RBM4B: variants seen among roughly 807,000 people sequenced by gnomAD.
The protein encoded by RBM4B is RNA binding motif protein 4B, also known as RNA-binding protein 4B.
A neutral mutation model predicts 28.5 loss-of-function variants in RBM4B; 13 were observed. The ratio of observed to expected loss-of-function variants is 0.46; its 90% confidence interval spans 0.30 to 0.72. The LOEUF (loss-of-function observed/expected upper bound fraction) is 0.72, where lower values mean the gene tolerates loss of function less well. RBM4B is among the 30% of genes least tolerant of loss of function. The pLI is 0.09. For missense variants in RBM4B, 387 were observed against 477.6 expected, an observed-to-expected ratio of 0.81 and a Z score of 1.77; for synonymous variants, 167 against 179.1, an observed-to-expected ratio of 0.93 and a Z score of 0.54.
chr11:66,668,850 G>A lies in RBM4B; in HGVS notation c.854C>T (p.Ser285Leu). Residue 285 changes from serine (S) to leucine (L), a missense_variant, in exon 3 of 4, where the codon TCA (serine) becomes TTA (leucine). Ser to Leu is a moderately radical substitution (Grantham distance 145). This residue lies in a region of RBM4B where 226 missense variants were observed against 220.6 expected (regional missense o/e 1.02). Transcript: ENST00000310046. ...LLPNSGAAATSAAMAAAAATT... is the reference protein window; with the variant it reads ...LLPNSGAAATLAAMAAAAATT... ...GGCTGCAGCAGCAGCCATAGCAGCTGAAGTGGCAGCAGCGCCAGAGTTTGG... is the reference window on the plus strand; with the variant it reads ...GGCTGCAGCAGCAGCCATAGCAGCTAAAGTGGCAGCAGCGCCAGAGTTTGG... 1 of 1,614,208 alleles carries A rather than the reference G, an allele frequency of 6.2e-7. No individual in the cohort carries two copies. The highest frequency in any genetic ancestry group is 1.3e-5 in the African/African-American group (1 of 75,046).
At chr11:66,670,238 A>ACCCCCCCCCCCC (rs982371961) in intron 2 of RBM4B, among the ~76,000 whole-genome samples, 1 of 57,428 alleles carries the variant, frequency 1.7e-5, no homozygotes, top group Non-Finnish European at 3.3e-5. Flanking sequence ...CCCACCCCCG[A>ACCCCCCCCCCCC]CCCCCCCAAG....
At position 66,665,374 on chromosome 11, in the gene RBM4B, G is replaced by A. The variant is rs754122214; in HGVS notation, c.*214C>T. 3 of 603,572 alleles carry A rather than the reference G, an allele frequency of 5.0e-6. No individual in the cohort carries two copies. Among genetic ancestry groups the A allele is most frequent in the Non-Finnish European group, 8.8e-6 (3 of 341,138 alleles). The allele number at this position is 603,572 out of a possible 1,614,324, so 37.4% of individuals were successfully genotyped here. On this transcript the variant is annotated 3_prime_UTR_variant, in exon 4 of 4. Transcript: ENST00000310046. Reference sequence around the variant, plus strand: ...GGCTGCTCAGAGGCTGAGAATATAAGGAACAGAGTGAAAGGCTACAGAGAC... The same window carrying A: ...GGCTGCTCAGAGGCTGAGAATATAAAGAACAGAGTGAAAGGCTACAGAGAC...
chr11:66,668,888 G>T lies in RBM4B; in HGVS notation c.816C>A (p.Asp272Glu). ...CGCCAGAGTTTGGCAATAGGTGTCTGTCATAGGGATCAACAGAAGTAGAGT... is the reference window on the plus strand; with the variant it reads ...CGCCAGAGTTTGGCAATAGGTGTCTTTCATAGGGATCAACAGAAGTAGAGT... ...HLNSTSVDPY[D>E]RHLLPNSGAA... The change falls in exon 3 of 4, where the codon GAC becomes GAA. Residue 272 changes from aspartate to glutamate, a missense_variant. Physicochemically the swap from Asp to Glu is conservative, Grantham distance 45. This residue lies in a region of RBM4B where 226 missense variants were observed against 220.6 expected (regional missense o/e 1.02). Coordinates refer to ENST00000310046, the MANE Select transcript of RBM4B (RefSeq NM_031492.4). The T allele has an allele frequency of 1.2e-6, 2 of 1,614,212 alleles. No homozygotes were observed. The highest frequency in any genetic ancestry group is 2.2e-5 in the South Asian group (2 of 91,084).
chr11:66,669,334 A>G, intron 2 of RBM4B, 43 bp from the exon 3 acceptor site: 1 of 1,572,840 alleles, frequency 6.4e-7, no homozygotes, highest in Non-Finnish European at 8.7e-7. Flanking sequence ...AACTCACTTG[A>G]CATTCTTTTT....
intron 1 of RBM4B, 94 bp from the exon 2 acceptor site, chr11:66,677,185 AC>A: frequency 2.1e-6 from 3 of 1,403,184 alleles, no homozygotes; most frequent in Non-Finnish European, 2.9e-6. Context: ...AAGTTCTTGC[AC>A]CTTCAAGACC....
At chr11:66,666,335 C>T in intron 3 of RBM4B, 4 of 1,016,154 alleles carry the variant, frequency 3.9e-6, no homozygotes, top group Non-Finnish European at 4.7e-6. Context: ...TGCCAATCGA[C>T]TTCAAAAGTT....
intron 2 of RBM4B, 60 bp from the exon 3 acceptor site, chr11:66,669,351 CT>C: frequency 6.6e-7 from 1 of 1,513,882 alleles, no homozygotes; most frequent in Non-Finnish European, 9.1e-7. Context: ...TTTTCCTCTC[CT>C]CCCCAAATGA....
At chr11:66,665,707 C>A in intron 3 of RBM4B, 129 bp from the exon 4 acceptor site, 1 of 1,443,632 alleles carries the variant, frequency 6.9e-7, no homozygotes, top group Non-Finnish European at 9.3e-7. Context: ...CCAAGTCAGA[C>A]TGGATCTAAC....
intron 2 of RBM4B, among the ~76,000 whole-genome samples, chr11:66,674,422 G>A (rs1590887515): frequency 6.6e-6 from 1 of 151,562 alleles, no homozygotes; most frequent in Non-Finnish European, 1.5e-5. Flanking sequence ...TAGAGACGGG[G>A]TTTCACCATG....
intron 1 of RBM4B, 94 bp from the exon 2 acceptor site, chr11:66,677,185 A>G: frequency 1.4e-6 from 2 of 1,403,184 alleles, no homozygotes; most frequent in Non-Finnish European, 2.0e-6. Flanking sequence ...AAGTTCTTGC[A>G]CCTTCAAGAC....
chr11:66,673,575 C>T (rs1939537887), intron 2 of RBM4B, among the ~76,000 whole-genome samples: 1 of 152,220 alleles, frequency 6.6e-6, no homozygotes, highest in Non-Finnish European at 1.5e-5. Flanking sequence ...TCTCCTGCCT[C>T]AGCCTCCTGA....
intron 1 of RBM4B, chr11:66,677,448 G>C (rs1939676197): frequency 3.3e-6 from 1 of 299,546 alleles, no homozygotes; most frequent in Admixed American, 4.8e-5. Context: ...GTTTTGGAGG[G>C]AAATCTGTGT....
In RBM4B at chr11:66,668,999, C is replaced by CGCCGCTGCT. The variant is rs748255777; in HGVS notation, c.696_704dup (p.Ala236_Ala238dup). The CGCCGCTGCT allele has an allele frequency of 1.3e-5, 21 of 1,614,160 alleles. No individual in the cohort carries two copies. The Middle Eastern group carries it at 6.6e-4, about 51-fold the overall frequency. On this transcript the variant is annotated inframe_insertion, in exon 3 of 4. Coordinates refer to ENST00000310046, the MANE Select transcript of RBM4B (RefSeq NM_031492.4). ...CGTAGTTGTATGCAGAAGCCGCTGC[C>CGCCGCTGCT]GCCGCTGCTACTGCCTCATAAGAGC...
rs575883092 is a variant in RBM4B at position 66,674,419 on chromosome 11, G to A, written c.412+2249C>T. On this transcript the variant is annotated intron_variant, in intron 2 of 3. Transcript: ENST00000310046. The stretch of plus-strand genomic sequence containing the variant: ...TTTTTTTTGTATTTTTAGTAGAGAC[G>A]GGGTTTCACCATGTTGAGCAGGATG... Among the ~76,000 whole-genome samples the A allele has an allele frequency of 4.1e-4, 62 of 151,396 alleles. 1 individual carries two copies. The highest frequency in any genetic ancestry group is 4.4e-4 in the Non-Finnish European group (30 of 67,828).
chr11:66,670,935 CCTT>C (rs1415516194), intron 2 of RBM4B: 19 of 702,622 alleles, frequency 2.7e-5, no homozygotes, highest in Non-Finnish European at 4.2e-5. Context: ...CTTTAACAGA[CCTT>C]CTTCTGGATG....
Position 66,676,830 on chromosome 11 carries a change from TACCCACGTG to T in RBM4B, c.241_249del (p.His81_Gly83del). 6.2e-7 allele frequency: 1 copy of T among 1,614,234 alleles called. No homozygotes were observed. The highest frequency in any genetic ancestry group is 8.5e-7 in the Non-Finnish European group (1 of 1,180,046). On this transcript the variant is annotated inframe_deletion, in exon 2 of 4. Transcript: ENST00000310046. ...TGGTTGGTACAAGTGGGGCTGATGT[TACCCACGTG>T]TAACTTGGTTGAAGCTTTGCTCTTA...
At chr11:66,672,680 G>T (rs1245957237) in intron 2 of RBM4B, among the ~76,000 whole-genome samples, 1 of 151,774 alleles carries the variant, frequency 6.6e-6, no homozygotes, top group Non-Finnish European at 1.5e-5. Context: ...TATTTTTAGT[G>T]GAGACGAGGT....
chr11:66,669,783 T>G (rs534646243), intron 2 of RBM4B, among the ~76,000 whole-genome samples: 9 of 152,234 alleles, frequency 5.9e-5, no homozygotes, highest in Non-Finnish European at 1.2e-4. Context: ...GCTAGAAAAT[T>G]TGATTCCTCA....
intron 2 of RBM4B, chr11:66,675,607 C>A (rs1939610206): frequency 6.6e-6 from 1 of 152,162 alleles, no homozygotes; most frequent in Non-Finnish European, 1.5e-5. Flanking sequence ...TTCTTAACAA[C>A]CCCTTTAATG....
Sources: gnomAD v4.1 joint callset for allele counts (sites outside exome capture counted in the v4.1 genomes callset) on GRCh38, gnomAD v4.1.1 for gene constraint, gnomAD v4.1.1 regional missense constraint, MANE v1.5 for transcripts, NCBI Gene and HGNC (gene_info 2026-07-23, HGNC 2026-07-21) for gene names.